The following LAPTM4B variants were observed in gnomAD, a reference collection of about 807,000 sequenced individuals.
LAPTM4B encodes the protein lysosomal protein transmembrane 4 beta.
In LAPTM4B, 26 loss-of-function variants were observed where a neutral mutation model predicts 28.5. The observed-to-expected ratio is 0.91, with a 90% CI of 0.67 to 1.27. The LOEUF (loss-of-function observed/expected upper bound fraction) is 1.27. Among genes scored for constraint, LAPTM4B ranks in the 50% most tolerant of loss-of-function variants. LAPTM4B has a pLI of 0.00. For synonymous variants in LAPTM4B, 109 were observed against 106.4 expected (o/e 1.02, Z -0.15); for missense variants, 288 against 285.8 (o/e 1.01, Z -0.06).
intron 1 of LAPTM4B, among the ~76,000 whole-genome samples, chr8:97,777,666 A>C (rs1357962513): frequency 1.3e-5 from 2 of 152,178 alleles, no homozygotes; most frequent in Non-Finnish European, 2.9e-5. Flanking sequence ...ACACAATATA[A>C]ATTTTTGGCG....
Position 97,829,542 on chromosome 8 carries a change from A to G in LAPTM4B, c.603+4389A>G, listed in dbSNP as rs559738977. Among the ~76,000 whole-genome samples, 15 of 152,188 alleles carry G rather than the reference A, an allele frequency of 9.9e-5. No homozygotes were observed. The East Asian group carries it at 1.9e-3, about 20-fold the overall frequency. ...TTGGGAGATGCATAAGGGAGCAGCA[A>G]TGGGGATAGTTGTCTGTGTAGCGAG... On this transcript the variant is annotated intron_variant, in intron 6 of 6. Coordinates refer to ENST00000521545, the MANE Select transcript of LAPTM4B (RefSeq NM_018407.6).
At chr8:97,801,998 T>TTTGTTACAACAAAGTTGTAACAGA (rs1816691161) in intron 1 of LAPTM4B, among the ~76,000 whole-genome samples, 1 of 152,198 alleles carries the variant, frequency 6.6e-6, no homozygotes, top group African/African-American at 2.4e-5. Flanking sequence ...TTTCTTCAGA[T>TTTGTTACAACAAAGTTGTAACAGA]AGTTTTGTTA....
intron 1 of LAPTM4B, 31 bp downstream of exon 1, chr8:97,776,139 G>A (rs1228287125): frequency 1.3e-6 from 2 of 1,485,298 alleles, no homozygotes; most frequent in Non-Finnish European, 1.8e-6. Context: ...CCGGGACCCT[G>A]CGTTGCTTCC....
At chr8:97,837,391 C>T (rs541736959) in intron 6 of LAPTM4B, among the ~76,000 whole-genome samples, 41 of 152,118 alleles carry the variant, frequency 2.7e-4, no homozygotes, top group African/African-American at 9.6e-4. Flanking sequence ...CAGGGTTTCA[C>T]CACGTTGGCC....
chr8:97,850,055 G>A (rs1018733671), intron 6 of LAPTM4B, among the ~76,000 whole-genome samples: 2 of 151,824 alleles, frequency 1.3e-5, no homozygotes, highest in Non-Finnish European at 2.9e-5. Flanking sequence ...CTCCCTAGCC[G>A]TGTCTCAGCC....
intron 6 of LAPTM4B, among the ~76,000 whole-genome samples, chr8:97,826,654 GC>G (rs1817096287): frequency 6.6e-6 from 1 of 152,030 alleles, no homozygotes; most frequent in South Asian, 2.1e-4. Flanking sequence ...GATTATAGGT[GC>G]CCACCACCAC....
At chr8:97,841,786 A>G (rs560934476) in intron 6 of LAPTM4B, among the ~76,000 whole-genome samples, 2 of 152,346 alleles carry the variant, frequency 1.3e-5, no homozygotes, top group African/African-American at 2.4e-5. Context: ...AAAACAGGCA[A>G]ATGTGGCGTG....
intron 6 of LAPTM4B, among the ~76,000 whole-genome samples, chr8:97,826,406 T>A (rs530066052): frequency 6.6e-6 from 1 of 152,364 alleles, no homozygotes. Flanking sequence ...ATATCACTCC[T>A]GGGTCTGTAA....
chr8:97,816,496 T>C (rs4291238), intron 4 of LAPTM4B, among the ~76,000 whole-genome samples: 68,070 of 151,240 alleles, frequency 0.45, 15,723 homozygotes, highest in East Asian at 0.57. Flanking sequence ...GGGGTTTCAC[T>C]GTGTTGGTCA....
intron 1 of LAPTM4B, among the ~76,000 whole-genome samples, chr8:97,804,437 C>A (rs1281320620): frequency 6.6e-6 from 1 of 152,170 alleles, no homozygotes; most frequent in Non-Finnish European, 1.5e-5. Context: ...GGACAGGAGA[C>A]TTGTAGAGGT....
intron 6 of LAPTM4B, among the ~76,000 whole-genome samples, chr8:97,834,961 A>C (rs534730437): frequency 1.3e-5 from 2 of 152,340 alleles, no homozygotes; most frequent in Admixed American, 1.3e-4. Context: ...GTTTAGAACT[A>C]AAGGAGTTAA....
intron 6 of LAPTM4B, among the ~76,000 whole-genome samples, chr8:97,837,193 CA>C (rs1364455668): frequency 7.6e-6 from 1 of 130,832 alleles, no homozygotes; most frequent in Admixed American, 7.2e-5. Context: ...TTCCTCCTGC[CA>C]CTTTTTTTTT....
At chr8:97,797,159 A>C (rs10100937) in intron 1 of LAPTM4B, among the ~76,000 whole-genome samples, 1 of 150,692 alleles carries the variant, frequency 6.6e-6, no homozygotes, top group East Asian at 2.0e-4. Context: ...TTTGAGATGA[A>C]GTTTTGTTCT....
intron 1 of LAPTM4B, among the ~76,000 whole-genome samples, chr8:97,781,981 CTTTT>C (rs140423500): frequency 7.8e-5 from 11 of 140,268 alleles, no homozygotes; most frequent in African/African-American, 1.9e-4. Context: ...ACTTTGGGGA[CTTTT>C]TTTTTTTTTT....
chr8:97,814,077 T>C (rs901260933), intron 2 of LAPTM4B, among the ~76,000 whole-genome samples: 3 of 152,176 alleles, frequency 2.0e-5, no homozygotes, highest in African/African-American at 4.8e-5. Flanking sequence ...TTTGTCCGGG[T>C]GCGGTGACTT....
intron 1 of LAPTM4B, among the ~76,000 whole-genome samples, chr8:97,789,313 A>G (rs901705237): frequency 6.6e-6 from 1 of 151,034 alleles, no homozygotes; most frequent in Non-Finnish European, 1.5e-5. Flanking sequence ...ACCTTAGGTG[A>G]TCCGCCCACC....
chr8:97,825,135 T>C lies in LAPTM4B; in HGVS notation c.585T>C (p.Val195=). 1 of 1,600,528 alleles carries C rather than the reference T, an allele frequency of 6.2e-7. No homozygotes were observed. The highest frequency in any genetic ancestry group is 8.6e-7 in the Non-Finnish European group (1 of 1,167,664). The change falls in exon 6 of 7, where the codon GTT becomes GTC. Residue 195 remains valine (V), a synonymous_variant. Coordinates refer to ENST00000521545, the MANE Select transcript of LAPTM4B (RefSeq NM_018407.6). ...GRNSSDVLVY[V]TSNDTTVLLP... is the part of the protein sequence containing the mutation. ...ACTCCTCTGATGTCCTGGTTTATGT[T>C]ACCAGCAATGACACTACGGTAGGTA...
chr8:97,845,898 C>G (rs1389826571), intron 6 of LAPTM4B, among the ~76,000 whole-genome samples: 1 of 108,218 alleles, frequency 9.2e-6, no homozygotes, highest in African/African-American at 3.3e-5. Context: ...CCTCCCCTCC[C>G]CTCCCCTTCC....
At chr8:97,827,759 C>T (rs1202655023) in intron 6 of LAPTM4B, among the ~76,000 whole-genome samples, 1 of 152,064 alleles carries the variant, frequency 6.6e-6, no homozygotes, top group East Asian at 1.9e-4. Flanking sequence ...CGGGCTGAGT[C>T]CGAAAAAGAG....
Sources: allele counts gnomAD v4.1 joint callset (sites outside exome capture counted in the v4.1 genomes callset), GRCh38; gene constraint gnomAD v4.1.1; transcripts MANE v1.5; gene names NCBI Gene and HGNC (gene_info 2026-07-23, HGNC 2026-07-21).